TENM2: variants seen among roughly 807,000 people sequenced by gnomAD.
The protein encoded by TENM2 is teneurin transmembrane protein 2, also known as teneurin-2.
TENM2 carries 52 observed loss-of-function variants against 245.2 expected under a neutral mutation model. The ratio of observed to expected loss-of-function variants is 0.21; its 90% CI spans 0.17 to 0.27. The LOEUF is 0.27. Ranked by LOEUF, TENM2 falls within the 10% of genes least tolerant of loss-of-function variation. TENM2 has a pLI of 1.00. For missense variants in TENM2, 3,046 were observed against 3,666.8 expected (o/e 0.83, Z 4.37); for synonymous variants, 1,363 against 1,438.9 (o/e 0.95, Z 1.19).
At chr5:167,775,995 G>C (rs757661298) in intron 2 of TENM2, among the ~76,000 whole-genome samples, 4 of 151,828 alleles carry the variant, frequency 2.6e-5, no homozygotes, top group Non-Finnish European at 4.4e-5. Flanking sequence ...AAACAAAGAG[G>C]GTTGGTTAAA....
At chr5:167,151,874 T>C in the TENM2 span, among the ~76,000 whole-genome samples, 1 of 152,194 alleles carries the variant, frequency 6.6e-6, no homozygotes, top group Non-Finnish European at 1.5e-5. Flanking sequence ...TTTTCCATGC[T>C]GTGGGAGGTC....
At chr5:168,102,143 G>A (rs1453285154) in intron 9 of TENM2, among the ~76,000 whole-genome samples, 1 of 151,914 alleles carries the variant, frequency 6.6e-6, no homozygotes, top group African/African-American at 2.4e-5. Context: ...GTGCAATCTC[G>A]GCTCACCGCA....
At chr5:168,183,139 CTT>C (rs1581563671) in intron 13 of TENM2, among the ~76,000 whole-genome samples, 6 of 152,142 alleles carry the variant, frequency 3.9e-5, no homozygotes, top group Admixed American at 3.9e-4. Context: ...CCAGGGTACT[CTT>C]TGACCCTCTG....
At chr5:167,524,176 T>A (rs2127585519) in intron 2 of TENM2, among the ~76,000 whole-genome samples, 1 of 152,342 alleles carries the variant, frequency 6.6e-6, no homozygotes, top group African/African-American at 2.4e-5. Context: ...CATTATTGGC[T>A]GATAAACTGT....
chr5:167,270,874 T>C, the TENM2 span, among the ~76,000 whole-genome samples: 97,356 of 152,056 alleles, frequency 0.64, 33,285 homozygotes, highest in Middle Eastern at 0.85. Context: ...CCTCTCAGAA[T>C]TTACATTTTC....
At position 167,929,186 on chromosome 5, in the gene TENM2, A is replaced by AAAGG. The variant is rs1298055469; in HGVS notation, c.713-23387_713-23384dup. 8.8e-5 allele frequency among the ~76,000 whole-genome samples: 13 copies of AAAGG among 148,124 alleles called. No homozygotes were observed. In the East Asian group the frequency reaches 1.6e-3, roughly 18 times the overall value. ...AGGAAAGAAGGAGGGAAGGAAGGAA[A>AAAGG]AAGGAAGGAAGGAAGGAAAAGGGAA... On this transcript the variant is annotated intron_variant, in intron 3 of 28. Transcript: ENST00000518659.
chr5:168,154,994 T>G (rs897589826), intron 12 of TENM2, among the ~76,000 whole-genome samples: 1 of 152,204 alleles, frequency 6.6e-6, no homozygotes, highest in African/African-American at 2.4e-5. Context: ...ACGCCATTTG[T>G]GCCTAGAAAC....
At chr5:167,761,107 C>T (rs1422351823) in intron 2 of TENM2, among the ~76,000 whole-genome samples, 1 of 152,168 alleles carries the variant, frequency 6.6e-6, no homozygotes, top group Non-Finnish European at 1.5e-5. Context: ...CCTCTTCTGT[C>T]TTTTGTAAAA....
the TENM2 span, among the ~76,000 whole-genome samples, chr5:167,028,538 A>T: frequency 6.6e-6 from 1 of 152,056 alleles, no homozygotes; most frequent in Non-Finnish European, 1.5e-5. Flanking sequence ...TTTGGTTAAT[A>T]TTTCTTTACC....
At chr5:167,465,547 G>A (rs937758311) in intron 2 of TENM2, among the ~76,000 whole-genome samples, 6 of 152,138 alleles carry the variant, frequency 3.9e-5, no homozygotes, top group Admixed American at 6.5e-5. Flanking sequence ...AAACATGCCC[G>A]GGCCGGGCGC....
chr5:168,249,674 A>G (rs944165323), intron 27 of TENM2, among the ~76,000 whole-genome samples: 5 of 152,160 alleles, frequency 3.3e-5, no homozygotes, highest in African/African-American at 9.7e-5. Flanking sequence ...CAGATTATCT[A>G]CTTCTCTGTG....
intron 2 of TENM2, among the ~76,000 whole-genome samples, chr5:167,790,746 C>T (rs1370005384): frequency 6.6e-6 from 1 of 152,118 alleles, no homozygotes; most frequent in African/African-American, 2.4e-5. Flanking sequence ...CACTTTTTGG[C>T]ACTCCTTTCT....
chr5:167,161,643 CT>C, the TENM2 span, among the ~76,000 whole-genome samples: 2 of 152,094 alleles, frequency 1.3e-5, no homozygotes, highest in South Asian at 2.1e-4. Context: ...TTAAAAATGA[CT>C]GAGAATGGTC....
the TENM2 span, among the ~76,000 whole-genome samples, chr5:167,034,595 A>C: frequency 7.5e-6 from 1 of 133,252 alleles, no homozygotes; most frequent in Non-Finnish European, 1.5e-5. Context: ...CCGCCACTGC[A>C]CTCCAGCCTG....
rs546659951 is a variant in TENM2, at chr5:167,660,925, C to A, written c.503-215061C>A. Among the ~76,000 whole-genome samples, 3 of 152,152 alleles carry A rather than the reference C, an allele frequency of 2.0e-5. No individual in the cohort carries two copies. In the East Asian group the frequency reaches 5.8e-4, roughly 29 times the overall value. ...TGCTGGGGACTCATCTTTTTAAGAG[C>A]ATATTTTTATTCTATTTTCAAAATG... is the stretch of plus-strand genomic sequence containing the variant. On this transcript the variant is annotated intron_variant, in intron 2 of 28. Coordinates refer to ENST00000518659, the Ensembl canonical transcript of TENM2.
Position 167,713,030 on chromosome 5 carries a change from G to A in TENM2, c.503-162956G>A, listed in dbSNP as rs115905027. Among the ~76,000 whole-genome samples, 351 of 152,240 alleles carry A rather than the reference G, an allele frequency of 2.3e-3. 2 individuals are homozygous for A. The highest frequency in any genetic ancestry group is 3.4e-3 in the Middle Eastern group (1 of 294). On this transcript the variant is annotated intron_variant, in intron 2 of 28. Transcript: ENST00000518659. ...GGGCTCACAGTTTGTGCAGCTTTATGTATGTATGAACATCCATTCATATAT... is the reference window on the plus strand; with the variant it reads ...GGGCTCACAGTTTGTGCAGCTTTATATATGTATGAACATCCATTCATATAT...
intron 1 of TENM2, among the ~76,000 whole-genome samples, chr5:167,353,729 G>A (rs552638264): frequency 2.6e-5 from 4 of 151,754 alleles, no homozygotes; most frequent in Non-Finnish European, 5.9e-5. Flanking sequence ...GGATGGTCTC[G>A]ATCTCCTGAC....
the TENM2 span, among the ~76,000 whole-genome samples, chr5:167,200,673 A>G: frequency 3.9e-5 from 6 of 152,154 alleles, no homozygotes; most frequent in Admixed American, 3.9e-4. Context: ...ATACCAAGCG[A>G]TGAGAACCGT....
chr5:167,133,801 G>A, the TENM2 span, among the ~76,000 whole-genome samples: 18 of 150,966 alleles, frequency 1.2e-4, no homozygotes, highest in Non-Finnish European at 1.6e-4. Context: ...TGGAAGTTGT[G>A]CTCTTAATGT....
Sources: allele counts gnomAD v4.1 joint callset (sites outside exome capture counted in the v4.1 genomes callset), GRCh38; gene constraint gnomAD v4.1.1; transcripts MANE v1.5; gene names NCBI Gene and HGNC (gene_info 2026-07-23, HGNC 2026-07-21).